The following BRPF1 variants were observed in gnomAD, a reference collection of about 807,000 sequenced individuals.
The protein encoded by BRPF1 is bromodomain and PHD finger containing 1.
A neutral mutation model predicts 115.0 loss-of-function variants in BRPF1; 15 were observed. The ratio of observed to expected loss-of-function variants is 0.13; its 90% CI spans 0.09 to 0.20. The LOEUF (loss-of-function observed/expected upper bound fraction) is 0.20. Among genes scored for constraint, BRPF1 ranks in the 10% least tolerant of loss-of-function variants. BRPF1 has a pLI of 1.00. For synonymous variants in BRPF1, 647 were observed against 619.8 expected, an observed-to-expected ratio of 1.04 and a Z score of -0.65; for missense variants, 1,118 against 1,638.3, an observed-to-expected ratio of 0.68 and a Z score of 5.48.
Position 9,742,947 on chromosome 3 carries a change from C to T in BRPF1, c.2005C>T (p.Pro669Ser). The T allele has an allele frequency of 6.2e-7, 1 of 1,610,756 alleles. No individual in the cohort carries two copies. Reference sequence around the variant, plus strand: ...CAAACCTGCCCTGCCCTTCCAGGTACCTGACTACCTAGACCACATCAAAAA... The same window carrying T: ...CAAACCTGCCCTGCCCTTCCAGGTATCTGACTACCTAGACCACATCAAAAA... Reference protein sequence around the residue: ...LSEVTELDEVPDYLDHIKKPM... With the variant: ...LSEVTELDEVSDYLDHIKKPM... The change falls in exon 7 of 14, where the codon CCT (proline) becomes TCT (serine). Residue 669 changes from proline (P) to serine (S), a missense_variant. Pro to Ser is a moderately conservative substitution (Grantham distance 74, BLOSUM62 -1). Coordinates refer to ENST00000383829, the MANE Select transcript of BRPF1 (RefSeq NM_001003694.2).
chr3:9,739,530 C>G lies in BRPF1; in HGVS notation c.1131C>G (p.Ile377Met). The change falls in exon 3 of 14, where the codon ATC becomes ATG. Residue 377 changes from isoleucine to methionine, a missense_variant. Transcript: ENST00000383829. Reference sequence around the variant, plus strand: ...AGCCTATTGACAGCATTGAGCACATCCCACCAGCTCGCTGGAAGCTCACCT... The same window carrying G: ...AGCCTATTGACAGCATTGAGCACATGCCACCAGCTCGCTGGAAGCTCACCT... ...FLEPIDSIEH[I>M]PPARWKLTCY... is the part of the protein sequence containing the mutation. 6.2e-7 allele frequency: 1 copy of G among 1,613,494 alleles called. No individual in the cohort carries two copies. The highest frequency in any genetic ancestry group is 8.5e-7 in the Non-Finnish European group (1 of 1,179,462).
chr3:9,743,712 A>C lies in BRPF1; in HGVS notation c.2446A>C (p.Lys816Gln). ...KQSVGRSRRA[K>Q]MIKKEMTALR... ...GAGTGTGGGCCGCTCACGGCGTGCA[A>C]AGATGATCAAGAAAGAGATGACGGC... Residue 816 changes from lysine to glutamine, a missense_variant, in exon 8 of 14, where the codon AAG (lysine) becomes CAG (glutamine). Coordinates refer to ENST00000383829, the MANE Select transcript of BRPF1 (RefSeq NM_001003694.2). The surrounding 1 kb of genome is among the most constrained non-coding windows in gnomAD (Gnocchi z 6.1). 6.2e-7 allele frequency: 1 copy of C among 1,614,194 alleles called. No homozygotes were observed. The highest frequency in any genetic ancestry group is 8.5e-7 in the Non-Finnish European group (1 of 1,180,036).
chr3:9,746,305 T>G lies in BRPF1; in HGVS notation c.3330T>G (p.Ile1110Met). 2.6e-6 allele frequency: 4 copies of G among 1,560,972 alleles called. No homozygotes were observed. Among genetic ancestry groups the G allele is most frequent in the Non-Finnish European group, 1.7e-6 (2 of 1,148,836 alleles). Residue 1110 changes from isoleucine to methionine, a missense_variant, in exon 13 of 14, where the codon ATT (isoleucine) becomes ATG (methionine). By Grantham distance (10) the Ile-to-Met change is conservative. Coordinates refer to ENST00000383829, the MANE Select transcript of BRPF1 (RefSeq NM_001003694.2). ...GGCTCTTATTATATCCTCAGATCAT[T>G]GATCCAAAGATGCCCCGAGAAGGTA... ...RGYPSYPALI[I>M]DPKMPREGMF...
chr3:9,745,480 A>G lies in BRPF1; in HGVS notation c.3069-93A>G. The G allele has an allele frequency of 7.0e-7, 1 of 1,429,320 alleles. No homozygotes were observed. The highest frequency in any genetic ancestry group is 1.2e-5 in the South Asian group (1 of 82,448). The allele number at this position is 1,429,320 out of a possible 1,614,324, so 88.5% of individuals were successfully genotyped here. A position where few individuals can be genotyped will look rare whatever the true frequency, so the allele number is the denominator to read the frequency against. ...ATAGCCTCTGCTTTCCAAAAGTCTC[A>G]GACCCTGCGGGCTTTAAGAGCTGAG... On this transcript the variant is annotated intron_variant, in intron 10 of 13. Transcript: ENST00000383829. The surrounding 1 kb of genome is among the most constrained non-coding windows in gnomAD (Gnocchi z 5.1).
intron 4 of BRPF1, 108 bp downstream of exon 4, chr3:9,741,049 T>A: frequency 8.0e-7 from 1 of 1,255,214 alleles, no homozygotes; most frequent in Non-Finnish European, 1.1e-6. Context: ...TCTTTCCTCC[T>A]TTAAGCTAGC....
intron 4 of BRPF1, 129 bp downstream of exon 4, chr3:9,741,070 G>A: frequency 9.2e-7 from 1 of 1,089,554 alleles, no homozygotes; most frequent in Non-Finnish European, 1.3e-6. Flanking sequence ...CCTCAAACCA[G>A]GATCAGCATG....
chr3:9,740,598 C>T (rs2077012814), intron 3 of BRPF1, among the ~76,000 whole-genome samples, 181 bp from the exon 4 acceptor site: 1 of 152,112 alleles, frequency 6.6e-6, no homozygotes, highest in African/African-American at 2.4e-5. Flanking sequence ...TTCCTGTCTG[C>T]CACGGTACCA....
intron 2 of BRPF1, among the ~76,000 whole-genome samples, chr3:9,737,018 G>A (rs533403974): frequency 6.6e-6 from 1 of 152,274 alleles, no homozygotes; most frequent in African/African-American, 2.4e-5. Flanking sequence ...GGTGAGAATT[G>A]GTGCTGAAGA....
At position 9,745,595 on chromosome 3, in the gene BRPF1, C is replaced by G; in HGVS notation, c.3091C>G (p.Arg1031Gly). 1.9e-6 allele frequency: 3 copies of G among 1,614,126 alleles called. No individual in the cohort carries two copies. The highest frequency in any genetic ancestry group is 2.5e-6 in the Non-Finnish European group (3 of 1,179,950). Reference sequence around the variant, plus strand: ...CAGCACAACGCCCTCAAAACAAGGCCGGGGCAAACCCTCCTTCTCTCGGGG... The same window carrying G: ...CAGCACAACGCCCTCAAAACAAGGCGGGGGCAAACCCTCCTTCTCTCGGGG... ...RTSTTPSKQG[R>G]GKPSFSRGTF... Residue 1031 changes from arginine to glycine, a missense_variant, in exon 11 of 14, where the codon CGG (arginine) becomes GGG (glycine). Around this residue, in one of 10 missense-constraint regions of BRPF1, gnomAD observed 100 missense variants for 109.9 expected, o/e 0.91. Coordinates refer to ENST00000383829, the MANE Select transcript of BRPF1 (RefSeq NM_001003694.2). The surrounding 1 kb of genome is among the most constrained non-coding windows in gnomAD (Gnocchi z 5.1).
chr3:9,743,361 G>T lies in BRPF1; in HGVS notation c.2311+108G>T. Reference sequence around the variant, plus strand: ...AGTGTAGGCAGAAAGCAGCTAGGCTGAGCAGTGGCAAGCTATCCCCAGGAA... The same window carrying T: ...AGTGTAGGCAGAAAGCAGCTAGGCTTAGCAGTGGCAAGCTATCCCCAGGAA... On this transcript the variant is annotated intron_variant, in intron 7 of 13. Coordinates refer to ENST00000383829, the MANE Select transcript of BRPF1 (RefSeq NM_001003694.2). The surrounding 1 kb of genome is among the most constrained non-coding windows in gnomAD (Gnocchi z 6.1). 7.0e-7 allele frequency: 1 copy of T among 1,424,452 alleles called. No homozygotes were observed. The highest frequency in any genetic ancestry group is 9.4e-7 in the Non-Finnish European group (1 of 1,061,158). 88.2% of individuals were successfully genotyped at this position (1,424,452 alleles called of 1,614,324 possible). A position where few individuals can be genotyped will look rare whatever the true frequency, so the allele number is the denominator to read the frequency against.
rs942477952 is a variant in BRPF1, at chr3:9,743,560, C to T, written c.2312-18C>T. On this transcript the variant is annotated intron_variant, in intron 7 of 13. Transcript: ENST00000383829. This position sits in a 1 kb window ranked among gnomAD's most constrained non-coding sequence, Gnocchi z 6.1. ...GGCTGCCCTGAGTCTGACCTTTCCC[C>T]TCCAACCCTACCCCTAGCAGCCGAG... 8 of 1,604,360 alleles carry T rather than the reference C, an allele frequency of 5.0e-6. No individual in the cohort carries two copies. The highest frequency in any genetic ancestry group is 6.8e-6 in the Non-Finnish European group (8 of 1,174,678).
chr3:9,734,890 C>A lies in BRPF1; in HGVS notation c.599+151C>A. On this transcript the variant is annotated intron_variant, in intron 2 of 13. Coordinates refer to ENST00000383829, the MANE Select transcript of BRPF1 (RefSeq NM_001003694.2). The surrounding 1 kb of genome is among the most constrained non-coding windows in gnomAD (Gnocchi z 5.7). ...CCAGGGCAGTGAGTGGAATGGTACGCCACTAATGCACTTACTCTACAGTGC... is the reference window on the plus strand; with the variant it reads ...CCAGGGCAGTGAGTGGAATGGTACGACACTAATGCACTTACTCTACAGTGC... The A allele has an allele frequency of 1.1e-6, 1 of 890,512 alleles. No individual in the cohort carries two copies. Among genetic ancestry groups the A allele is most frequent in the Non-Finnish European group, 1.7e-6 (1 of 589,956 alleles). 55.2% of individuals were successfully genotyped at this position (890,512 alleles called of 1,614,324 possible).
In BRPF1 at chr3:9,745,927, T is replaced by C; in HGVS notation, c.3321T>C (p.Ala1107=). Residue 1107 remains alanine, a synonymous_variant, in exon 12 of 14, where the codon GCT becomes GCC. Transcript: ENST00000383829. This position sits in a 1 kb window ranked among gnomAD's most constrained non-coding sequence, Gnocchi z 5.1. ...GCCGAGGCTATCCATCATACCCAGC[T>C]CTGGTATGCTTGCTTCTGTTACACT... is the stretch of plus-strand genomic sequence containing the variant. The part of the protein sequence containing the change: ...AKCRGYPSYP[A]LIIDPKMPRE... 1 of 1,609,564 alleles carries C rather than the reference T, an allele frequency of 6.2e-7. No individual in the cohort carries two copies. The highest frequency in any genetic ancestry group is 1.3e-5 in the African/African-American group (1 of 74,884).
At chr3:9,732,666 A>G (rs1354091626) in intron 1 of BRPF1, 2 of 152,224 alleles carry the variant, frequency 1.3e-5, no homozygotes, top group Non-Finnish European at 2.9e-5. Flanking sequence ...CGGTTGGTTT[A>G]TGTTTAAAGA....
In BRPF1 at chr3:9,743,627, A is replaced by G. The variant is rs749248859; in HGVS notation, c.2361A>G (p.Pro787=). 2 of 1,613,942 alleles carry G rather than the reference A, an allele frequency of 1.2e-6. No individual in the cohort carries two copies. The highest frequency in any genetic ancestry group is 1.1e-5 in the South Asian group (1 of 91,082). Residue 787 remains proline, a synonymous_variant, in exon 8 of 14, where the codon CCA becomes CCG. Coordinates refer to ENST00000383829, the MANE Select transcript of BRPF1 (RefSeq NM_001003694.2). The surrounding 1 kb of genome is among the most constrained non-coding windows in gnomAD (Gnocchi z 6.1). ...TGCTGGAGAACCAGAAGCACCTGCC[A>G]GTGGAAGAACAGCTAAAGCTGCTTC... The part of the protein sequence containing the change: ...LVLLENQKHL[P]VEEQLKLLLE...
At chr3:9,738,415 T>G (rs558494883) in intron 2 of BRPF1, among the ~76,000 whole-genome samples, 8 of 152,356 alleles carry the variant, frequency 5.3e-5, no homozygotes, top group Admixed American at 1.3e-4. Context: ...ATAATTGTTA[T>G]CTCCCAAGGC....
rs755549839 is a variant in BRPF1 at position 9,740,978 on chromosome 3, G to C, written c.1722+37G>C. 7 of 1,585,298 alleles carry C rather than the reference G, an allele frequency of 4.4e-6. No homozygotes were observed. The East Asian group carries it at 1.4e-4, about 31-fold the overall frequency. ...AGTTCCCTGTGGGCTCTGGGAACTA[G>C]CGCCAGGGGGACGAAAACCAAAATT... is the stretch of plus-strand genomic sequence containing the variant. On this transcript the variant is annotated intron_variant, in intron 4 of 13. Coordinates refer to ENST00000383829, the MANE Select transcript of BRPF1 (RefSeq NM_001003694.2).
At chr3:9,736,878 C>T (rs1306594263) in intron 2 of BRPF1, among the ~76,000 whole-genome samples, 3 of 152,182 alleles carry the variant, frequency 2.0e-5, no homozygotes, top group African/African-American at 7.2e-5. Context: ...GGTGGCATGT[C>T]AGCTGGTGTG....
rs2076897680 is a variant in BRPF1 at position 9,734,004 on chromosome 3, T to G, written c.-10-127T>G. 6.8e-7 allele frequency: 1 copy of G among 1,460,216 alleles called. No individual in the cohort carries two copies. 90.5% of individuals were successfully genotyped at this position (1,460,216 alleles called of 1,614,324 possible). ...TGGAGGAGATGGCATTTGGAGACAC[T>G]GTAGAGGTAGGCTGGCCAGAATCTG... is the stretch of plus-strand genomic sequence containing the variant. On this transcript the variant is annotated intron_variant, in intron 1 of 13. Transcript: ENST00000383829. The surrounding 1 kb of genome is among the most constrained non-coding windows in gnomAD (Gnocchi z 5.7).
Sources: allele counts gnomAD v4.1 joint callset (sites outside exome capture counted in the v4.1 genomes callset), GRCh38; gene constraint gnomAD v4.1.1; regional missense constraint gnomAD v4.1.1; non-coding constraint Gnocchi (gnomAD v3.1); transcripts MANE v1.5; gene names NCBI Gene and HGNC (gene_info 2026-07-23, HGNC 2026-07-21).